The following CLCN6 variants were observed in gnomAD, a reference collection of about 807,000 sequenced individuals.
CLCN6 encodes the protein Cl-/H+ antiporter 6, also known as H(+)/Cl(-) exchange transporter 6.
CLCN6 carries 70 observed loss-of-function variants against 109.8 expected under a neutral mutation model. That is an observed-to-expected ratio of 0.64 (90% CI 0.53 to 0.78). The LOEUF is 0.78. Ranked by LOEUF, CLCN6 falls within the 30% of genes least tolerant of loss-of-function variation. The probability of loss-of-function intolerance (pLI) is 0.00; values close to 1 mark genes in which losing one functional copy is unlikely to be tolerated. For missense variants in CLCN6, 984 were observed against 1,142.3 expected (o/e 0.86, Z 2.00); for synonymous variants, 444 against 447.8 (o/e 0.99, Z 0.11).
Position 11,837,096 on chromosome 1 carries a change from A to G in CLCN6, c.2078A>G (p.His693Arg), listed in dbSNP as rs1322806801. The change falls in exon 19 of 23, where the codon CAC (histidine) becomes CGC (arginine). Residue 693 changes from histidine (H) to arginine (R), a missense_variant. Coordinates refer to ENST00000346436, the MANE Select transcript of CLCN6 (RefSeq NM_001286.5). ...GAGCTACGGAACATGTGTGATGAGCACATCGCCTCTGAGGAGCCAGCCGAG... is the reference window on the plus strand; with the variant it reads ...GAGCTACGGAACATGTGTGATGAGCGCATCGCCTCTGAGGAGCCAGCCGAG... ...SSELRNMCDE[H>R]IASEEPAEKE... 6.2e-7 allele frequency: 1 copy of G among 1,613,388 alleles called. No homozygotes were observed. The highest frequency in any genetic ancestry group is 8.5e-7 in the Non-Finnish European group (1 of 1,180,048).
chr1:11,834,374 C>G lies in CLCN6; in HGVS notation c.1665C>G (p.Leu555=). The change falls in exon 16 of 23, where the codon CTC becomes CTG. Residue 555 remains leucine (L), a synonymous_variant. Coordinates refer to ENST00000346436, the MANE Select transcript of CLCN6 (RefSeq NM_001286.5). The surrounding 1 kb of genome is among the most constrained non-coding windows in gnomAD (Gnocchi z 4.5). ...CCACCAATGAGATCACCTACGGGCTCCCCATCATGGTCACACTGATGGTGA... is the reference window on the plus strand; with the variant it reads ...CCACCAATGAGATCACCTACGGGCTGCCCATCATGGTCACACTGATGGTGA... ...IESTNEITYG[L]PIMVTLMVAK... 41 of 1,614,038 alleles carry G rather than the reference C, an allele frequency of 2.5e-5. No homozygotes were observed. The highest frequency in any genetic ancestry group is 3.4e-5 in the Non-Finnish European group (40 of 1,179,968).
chr1:11,827,430 CTTTTT>C (rs59015951), intron 10 of CLCN6, among the ~76,000 whole-genome samples: 39 of 105,022 alleles, frequency 3.7e-4, no homozygotes, highest in African/African-American at 1.1e-3. Context: ...ACCGCTGTTA[CTTTTT>C]TTTTTTTTTT....
rs935581040 is a variant in CLCN6, at chr1:11,821,092, A to C, written c.346+1538A>C. Among the ~76,000 whole-genome samples, 383 of 151,986 alleles carry C rather than the reference A, an allele frequency of 2.5e-3. 4 individuals carry two copies. Among genetic ancestry groups the C allele is most frequent in the African/African-American group, 8.4e-3 (347 of 41,502 alleles). ...ACTGTCTCAAAAAACAACAACAAAAAAAAAAAACAAACAAAATCAATAAAT... is the reference window on the plus strand; with the variant it reads ...ACTGTCTCAAAAAACAACAACAAAACAAAAAAACAAACAAAATCAATAAAT... On this transcript the variant is annotated intron_variant, in intron 5 of 22. Coordinates refer to ENST00000346436, the MANE Select transcript of CLCN6 (RefSeq NM_001286.5).
chr1:11,807,116 G>C lies in CLCN6; in HGVS notation c.88-15G>C. 6.2e-7 allele frequency: 1 copy of C among 1,613,722 alleles called. No homozygotes were observed. The highest frequency in any genetic ancestry group is 8.5e-7 in the Non-Finnish European group (1 of 1,179,602). On this transcript the variant is annotated splice_polypyrimidine_tract_variant and intron_variant, in intron 1 of 22. Coordinates refer to ENST00000346436, the MANE Select transcript of CLCN6 (RefSeq NM_001286.5). ...ACCACTAAAAAAGGCTCCCTCTGCG[G>C]ATCTGTTTTTCTAGACCATCCTTGG...
chr1:11,835,505 G>C (rs1221570944), intron 17 of CLCN6, among the ~76,000 whole-genome samples: 3 of 152,128 alleles, frequency 2.0e-5, no homozygotes, highest in African/African-American at 7.2e-5. Context: ...GAACTCCTGG[G>C]CTCAAGCAAT....
At chr1:11,835,231 CCT>C (rs1644929523) in intron 17 of CLCN6, among the ~76,000 whole-genome samples, 1 of 152,134 alleles carries the variant, frequency 6.6e-6, no homozygotes, top group Admixed American at 6.5e-5. Flanking sequence ...TTTGCTGTGC[CCT>C]GATCTAAAGG....
At chr1:11,827,813 G>A (rs1057480030) in intron 10 of CLCN6, among the ~76,000 whole-genome samples, 1 of 152,230 alleles carries the variant, frequency 6.6e-6, no homozygotes, top group Non-Finnish European at 1.5e-5. Context: ...CTCCCTCAGA[G>A]CAGGCTGTCC....
chr1:11,829,108 G>T (rs1194834877), intron 12 of CLCN6, 88 bp from the exon 13 acceptor site: 4 of 1,504,290 alleles, frequency 2.7e-6, no homozygotes, highest in African/African-American at 2.8e-5. Context: ...GGAGAAATCG[G>T]GGCTGGGGGT....
intron 1 of CLCN6, 185 bp downstream of exon 1, chr1:11,806,534 A>C: frequency 1.2e-5 from 6 of 492,072 alleles, no homozygotes; most frequent in East Asian, 3.5e-5. Flanking sequence ...GTCTTTTCTC[A>C]TAACCCCTCC....
At chr1:11,807,300 G>T in intron 2 of CLCN6, 110 bp downstream of exon 2, 1 of 921,180 alleles carries the variant, frequency 1.1e-6, no homozygotes. Context: ...TCTGTCCCAG[G>T]GAGTGAGTGG....
Position 11,806,252 on chromosome 1 carries a change from A to G in CLCN6, c.-11A>G. 1 of 1,455,638 alleles carries G rather than the reference A, an allele frequency of 6.9e-7. No individual in the cohort carries two copies. 90.2% of individuals were successfully genotyped at this position (1,455,638 alleles called of 1,614,324 possible). A position where few individuals can be genotyped will look rare whatever the true frequency, so the allele number is the denominator to read the frequency against. On this transcript the variant is annotated 5_prime_UTR_variant, in exon 1 of 23. Transcript: ENST00000346436. ...TGGTAGAGGGGTCCAGAGTGGCAGTAAAGGAGGAAGATGGCGGGGTGCAGG... is the reference window on the plus strand; with the variant it reads ...TGGTAGAGGGGTCCAGAGTGGCAGTGAAGGAGGAAGATGGCGGGGTGCAGG...
intron 2 of CLCN6, 34 bp from the exon 3 acceptor site, chr1:11,815,812 C>G: frequency 6.4e-7 from 1 of 1,563,382 alleles, no homozygotes; most frequent in South Asian, 1.1e-5. Context: ...TCTCACCTGA[C>G]ATGACCTTTT....
At chr1:11,832,500 G>A (rs1407071915) in intron 13 of CLCN6, among the ~76,000 whole-genome samples, 1 of 152,240 alleles carries the variant, frequency 6.6e-6, no homozygotes, top group Non-Finnish European at 1.5e-5. Context: ...ACAACGCTGA[G>A]GCTCTGCACA....
intron 22 of CLCN6, 66 bp from the exon 23 acceptor site, chr1:11,840,077 C>T: frequency 7.6e-7 from 1 of 1,318,228 alleles, no homozygotes; most frequent in South Asian, 1.2e-5. Flanking sequence ...GGGCCGGCTC[C>T]TGTCACTCCT....
chr1:11,823,192 A>T (rs1644767919), intron 6 of CLCN6, among the ~76,000 whole-genome samples: 1 of 152,230 alleles, frequency 6.6e-6, no homozygotes, highest in Non-Finnish European at 1.5e-5. Flanking sequence ...TTTTTCTTTA[A>T]AAAGTGCAAG....
At chr1:11,809,768 A>G (rs568565394) in intron 2 of CLCN6, among the ~76,000 whole-genome samples, 7 of 152,320 alleles carry the variant, frequency 4.6e-5, no homozygotes, top group Admixed American at 1.3e-4. Context: ...ATATTCATGT[A>G]CATTTCATGG....
intron 2 of CLCN6, among the ~76,000 whole-genome samples, chr1:11,811,491 TC>T (rs1217597978): frequency 6.6e-6 from 1 of 151,968 alleles, no homozygotes; most frequent in Non-Finnish European, 1.5e-5. Context: ...CAAGTGATTC[TC>T]CTGCCTCAGC....
At chr1:11,806,647 T>A (rs1490435811) in intron 1 of CLCN6, 2 of 421,920 alleles carry the variant, frequency 4.7e-6, no homozygotes, top group East Asian at 3.9e-5. Context: ...GTTTTCAGAA[T>A]GAGCTTCCTC....
At chr1:11,833,812 C>T (rs76337233) in intron 14 of CLCN6, 65 bp from the exon 15 acceptor site, 52,457 of 1,571,432 alleles carry the variant, frequency 0.033, 1,019 homozygotes, top group Middle Eastern at 0.049. Flanking sequence ...TGGTCGGGCC[C>T]GGTAGGTCTA....
Sources: allele counts gnomAD v4.1 joint callset (sites outside exome capture counted in the v4.1 genomes callset), GRCh38; gene constraint gnomAD v4.1.1; non-coding constraint Gnocchi (gnomAD v3.1); transcripts MANE v1.5; gene names NCBI Gene and HGNC (gene_info 2026-07-23, HGNC 2026-07-21).